The following UNK variants were observed in gnomAD, a reference collection of about 807,000 sequenced individuals.
UNK encodes the protein RING finger protein unkempt homolog.
In UNK, 32 loss-of-function variants were observed where a neutral mutation model predicts 97.6. The ratio of observed to expected loss-of-function variants is 0.33; its 90% CI spans 0.25 to 0.44. The LOEUF is 0.44. Among genes scored for constraint, UNK ranks in the 20% least tolerant of loss-of-function variants. The pLI, the probability that UNK is intolerant of heterozygous loss-of-function variation, is 1.00. For synonymous variants in UNK, 441 were observed against 461.2 expected, an observed-to-expected ratio of 0.96 and a Z score of 0.56; for missense variants, 771 against 1,098.4, an observed-to-expected ratio of 0.70 and a Z score of 4.21.
At chr17:75,792,570 G>A in intron 1 of UNK, 1 of 789,908 alleles carries the variant, frequency 1.3e-6, no homozygotes, top group Non-Finnish European at 1.5e-6. Context: ...TATCCCTCTG[G>A]ACAATGTAGC....
chr17:75,802,683 T>G (rs1310798089), intron 1 of UNK, among the ~76,000 whole-genome samples: 1 of 152,218 alleles, frequency 6.6e-6, no homozygotes, highest in East Asian at 1.9e-4. Context: ...GGAAAGCCAT[T>G]TACTGATGTT....
intron 1 of UNK, among the ~76,000 whole-genome samples, chr17:75,791,429 A>G (rs906327207): frequency 6.6e-6 from 1 of 152,266 alleles, no homozygotes; most frequent in African/African-American, 2.4e-5. Context: ...GCAAATTACA[A>G]TAAAATCGTG....
At chr17:75,803,195 A>C (rs879509708) in intron 1 of UNK, among the ~76,000 whole-genome samples, 1 of 137,726 alleles carries the variant, frequency 7.3e-6, no homozygotes, top group Non-Finnish European at 1.6e-5. Context: ...TCAGGAGATC[A>C]AGACCATCGA....
chr17:75,819,681 T>C lies in UNK; in HGVS notation c.1547-3T>C, dbSNP rs769393429. On this transcript the variant is annotated splice_polypyrimidine_tract_variant and splice_region_variant and intron_variant, in intron 11 of 15. Transcript: ENST00000589666. The surrounding 1 kb of genome is among the most constrained non-coding windows in gnomAD (Gnocchi z 5.4). Reference sequence around the variant, plus strand: ...GTCACATCCCACTCTTCTCTGTCCCTAGAGTCTGCTTTGGATGACCTGGAC... The same window carrying C: ...GTCACATCCCACTCTTCTCTGTCCCCAGAGTCTGCTTTGGATGACCTGGAC... 1.9e-6 allele frequency: 3 copies of C among 1,613,824 alleles called. No homozygotes were observed. In the South Asian group the frequency reaches 3.3e-5, roughly 18 times the overall value.
chr17:75,819,867 G>A lies in UNK; in HGVS notation c.1649-53G>A, dbSNP rs1006502155. On this transcript the variant is annotated intron_variant, in intron 12 of 15. Coordinates refer to ENST00000589666, the MANE Select transcript of UNK (RefSeq NM_001080419.3). The surrounding 1 kb of genome is among the most constrained non-coding windows in gnomAD (Gnocchi z 5.4). Reference sequence around the variant, plus strand: ...TCAGGCCCCTTGCTCTGTGTGGCCCGCCTGGCTTCCGCTGCCCTCACCCAG... The same window carrying A: ...TCAGGCCCCTTGCTCTGTGTGGCCCACCTGGCTTCCGCTGCCCTCACCCAG... 35 of 1,602,718 alleles carry A rather than the reference G, an allele frequency of 2.2e-5. No individual in the cohort carries two copies. Among genetic ancestry groups the A allele is most frequent in the Admixed American group, 1.2e-4 (7 of 58,606 alleles).
In UNK at chr17:75,784,856, G is replaced by A. The variant is rs1326049259; in HGVS notation, c.-25G>A. ...GCAGACTGAATAATAAAAGGGGAGC[G>A]GCGAAGAGGCAGGAAGACAAGACCA... On this transcript the variant is annotated 5_prime_UTR_variant, in exon 1 of 16. Coordinates refer to ENST00000589666, the MANE Select transcript of UNK (RefSeq NM_001080419.3). The A allele has an allele frequency of 1.2e-6, 2 of 1,601,512 alleles. No homozygotes were observed. Among genetic ancestry groups the A allele is most frequent in the Non-Finnish European group, 8.5e-7 (1 of 1,172,844 alleles).
intron 13 of UNK, 90 bp from the exon 14 acceptor site, chr17:75,822,387 C>A: frequency 6.9e-7 from 1 of 1,443,182 alleles, no homozygotes. Flanking sequence ...ATCCAGTGGA[C>A]AGCCAGTCCC....
At chr17:75,801,060 C>T (rs529533767) in intron 1 of UNK, among the ~76,000 whole-genome samples, 9 of 151,858 alleles carry the variant, frequency 5.9e-5, no homozygotes, top group East Asian at 2.0e-4. Flanking sequence ...CCAGCCACCA[C>T]GCCCGGCTAA....
Position 75,786,800 on chromosome 17 carries a change from T to A in UNK, c.104+1816T>A, listed in dbSNP as rs187365270. On this transcript the variant is annotated intron_variant, in intron 1 of 15. Coordinates refer to ENST00000589666, the MANE Select transcript of UNK (RefSeq NM_001080419.3). The stretch of plus-strand genomic sequence containing the variant: ...TGAACCCGGGAGGCGGAGGTGGCAG[T>A]GAGCCGAGATCGTGCCACTGCACTC... 1.6e-4 allele frequency among the ~76,000 whole-genome samples: 24 copies of A among 152,132 alleles called. No homozygotes were observed. In the East Asian group the frequency reaches 4.6e-3, roughly 29 times the overall value.
chr17:75,798,478 T>G (rs1038428971), intron 1 of UNK, among the ~76,000 whole-genome samples: 24 of 152,132 alleles, frequency 1.6e-4, no homozygotes, highest in African/African-American at 5.3e-4. Flanking sequence ...GTGCTGGGAT[T>G]ATAGGCATGT....
chr17:75,804,773 A>G (rs1382344964), intron 1 of UNK, among the ~76,000 whole-genome samples: 1 of 151,828 alleles, frequency 6.6e-6, no homozygotes, highest in Non-Finnish European at 1.5e-5. Context: ...CCTGGGAAGC[A>G]GAGGTTGCAG....
intron 1 of UNK, among the ~76,000 whole-genome samples, chr17:75,805,676 A>G (rs985523908): frequency 1.3e-5 from 2 of 151,474 alleles, no homozygotes; most frequent in Non-Finnish European, 2.9e-5. Context: ...GCACGCGCCT[A>G]TAGTCCAGCT....
At chr17:75,812,963 C>T (rs967105991) in intron 4 of UNK, 115 bp from the exon 5 acceptor site, 11 of 1,393,150 alleles carry the variant, frequency 7.9e-6, no homozygotes, top group Non-Finnish European at 1.0e-5. Context: ...CTGGCAGGGG[C>T]CTCCTGTCTT....
In UNK at chr17:75,813,692, G is replaced by C. The variant is rs148638496; in HGVS notation, c.759-69G>C. On this transcript the variant is annotated intron_variant, in intron 5 of 15. Coordinates refer to ENST00000589666, the MANE Select transcript of UNK (RefSeq NM_001080419.3). ...GCTCATGCCTATGAGGCTGGGTCCA[G>C]GTGGCACCTGCTAGGCTCCGATCTC... The C allele has an allele frequency of 4.0e-4, 556 of 1,373,166 alleles. 2 individuals carry two copies. In the African/African-American group the frequency reaches 6.9e-3, roughly 17 times the overall value. 85.1% of individuals were successfully genotyped at this position (1,373,166 alleles called of 1,614,324 possible).
Position 75,824,619 on chromosome 17 carries a change from G to C in UNK, c.*202G>C, listed in dbSNP as rs532179650. ...ATGCGTGGTGGTGTGGACAGTGTCT[G>C]TGTGTATATCTGTACATAGATATAG... On this transcript the variant is annotated 3_prime_UTR_variant, in exon 16 of 16. Transcript: ENST00000589666. This position sits in a 1 kb window ranked among gnomAD's most constrained non-coding sequence, Gnocchi z 4.9. 12 of 282,458 alleles carry C rather than the reference G, an allele frequency of 4.2e-5. No individual in the cohort carries two copies. The South Asian group carries it at 1.9e-3, about 44-fold the overall frequency. 17.5% of individuals were successfully genotyped at this position (282,458 alleles called of 1,614,324 possible). A position where few individuals can be genotyped will look rare whatever the true frequency, so the allele number is the denominator to read the frequency against.
intron 1 of UNK, chr17:75,793,350 A>C: frequency 1.1e-6 from 1 of 915,584 alleles, no homozygotes; most frequent in Non-Finnish European, 1.3e-6. Context: ...AATGATATCA[A>C]TGGCTATACT....
intron 1 of UNK, among the ~76,000 whole-genome samples, chr17:75,792,930 C>T (rs970362138): frequency 1.3e-5 from 2 of 152,218 alleles, no homozygotes; most frequent in Non-Finnish European, 2.9e-5. Context: ...AACAGTGGTT[C>T]AGTGTGGGAA....
intron 1 of UNK, among the ~76,000 whole-genome samples, chr17:75,803,916 G>A (rs1482892087): frequency 1.3e-5 from 2 of 152,188 alleles, no homozygotes; most frequent in African/African-American, 4.8e-5. Flanking sequence ...GTTTGTTAAT[G>A]AATTCAACCT....
chr17:75,791,053 A>T (rs2061760118), intron 1 of UNK, among the ~76,000 whole-genome samples: 1 of 152,220 alleles, frequency 6.6e-6, no homozygotes, highest in South Asian at 2.1e-4. Flanking sequence ...TCATGTCTTC[A>T]TGCCTTCAAC....
Sources: allele counts gnomAD v4.1 joint callset (sites outside exome capture counted in the v4.1 genomes callset), GRCh38; gene constraint gnomAD v4.1.1; non-coding constraint Gnocchi (gnomAD v3.1); transcripts MANE v1.5; gene names NCBI Gene and HGNC (gene_info 2026-07-23, HGNC 2026-07-21).